GM2A: variants seen among roughly 807,000 people sequenced by gnomAD.
GM2A encodes the protein ganglioside GM2 activator.
In GM2A, 7 loss-of-function variants were observed where a neutral mutation model predicts 12.9. The observed-to-expected ratio is 0.54, with a 90% confidence interval of 0.31 to 1.02. The LOEUF is 1.02. Among genes scored for constraint, GM2A ranks in the 50% least tolerant of loss-of-function variants. GM2A has a pLI of 0.05. For missense variants in GM2A, 246 were observed against 241.0 expected (o/e 1.02, Z -0.14); for synonymous variants, 101 against 96.0 (o/e 1.05, Z -0.30).
chr5:151,259,751 C>T lies in GM2A; in HGVS notation c.82-4C>T. 1 of 1,613,476 alleles carries T rather than the reference C, an allele frequency of 6.2e-7. No individual in the cohort carries two copies. The highest frequency in any genetic ancestry group is 1.3e-5 in the African/African-American group (1 of 75,010). ...CTCCTTCCTTGCTGCCTGATTGTCCCCAGCCATCCCAGCTCAGTAGCTTTT... is the reference window on the plus strand; with the variant it reads ...CTCCTTCCTTGCTGCCTGATTGTCCTCAGCCATCCCAGCTCAGTAGCTTTT... On this transcript the variant is annotated splice_region_variant and splice_polypyrimidine_tract_variant and intron_variant, in intron 1 of 3. Coordinates refer to ENST00000357164, the MANE Select transcript of GM2A (RefSeq NM_000405.5).
chr5:151,260,579 C>G (rs1753779261), intron 2 of GM2A, among the ~76,000 whole-genome samples: 1 of 152,182 alleles, frequency 6.6e-6, no homozygotes, highest in African/African-American at 2.4e-5. Flanking sequence ...GATCGCACCA[C>G]TGCACTCCAG....
rs1305990982 is a variant in GM2A, at chr5:151,266,776, A to G, written c.289A>G (p.Ile97Val). The change falls in exon 3 of 4, where the codon ATC (isoleucine) becomes GTC (valine). Residue 97 changes from isoleucine to valine, a missense_variant. By Grantham distance (29) the Ile-to-Val change is conservative. Coordinates refer to ENST00000357164, the MANE Select transcript of GM2A (RefSeq NM_000405.5). ...GGAGGTGGCTGGCCTCTGGATCAAG[A>G]TCCCATGCACAGACTACATTGGCAG... is the stretch of plus-strand genomic sequence containing the variant. ...EKEVAGLWIK[I>V]PCTDYIGSCT... 1 of 1,613,952 alleles carries G rather than the reference A, an allele frequency of 6.2e-7. No homozygotes were observed. The highest frequency in any genetic ancestry group is 8.5e-7 in the Non-Finnish European group (1 of 1,179,858).
At position 151,259,912 on chromosome 5, in the gene GM2A, T is replaced by C; in HGVS notation, c.239T>C (p.Leu80Pro). 1 of 1,612,900 alleles carries C rather than the reference T, an allele frequency of 6.2e-7. No homozygotes were observed. Among genetic ancestry groups the C allele is most frequent in the Non-Finnish European group, 8.5e-7 (1 of 1,179,060 alleles). ...GSTSVPLSSP[L>P]KVDLVLEKEV... ...ACCAGTGTCCCCCTGAGTTCTCCTC[T>C]GAAGGTGAGCCTGGGGGTGGGTGGA... is the stretch of plus-strand genomic sequence containing the variant. The change falls in exon 2 of 4, where the codon CTG (leucine) becomes CCG (proline). Residue 80 changes from leucine to proline, a missense_variant. By Grantham distance (98) the Leu-to-Pro change is moderately conservative. Transcript: ENST00000357164.
At chr5:151,266,996 T>G in intron 3 of GM2A, 83 bp downstream of exon 3, 1 of 1,101,402 alleles carries the variant, frequency 9.1e-7, no homozygotes, top group South Asian at 1.2e-5. Flanking sequence ...ATTCTCCTTC[T>G]GCAGATCTGC....
At position 151,269,115 on chromosome 5, in the gene GM2A, C is replaced by T. The variant is rs1203276290; in HGVS notation, c.*1664C>T. ...GGGTCCAAGGAAGAGAGGGTGGCCT[C>T]GACATCAAACTGCCTGGATTTTTCT... On this transcript the variant is annotated 3_prime_UTR_variant, in exon 4 of 4. Transcript: ENST00000357164. 24 of 985,322 alleles carry T rather than the reference C, an allele frequency of 2.4e-5. No individual in the cohort carries two copies. Among genetic ancestry groups the T allele is most frequent in the East Asian group, 1.1e-4 (1 of 8,836 alleles). 61.0% of individuals were successfully genotyped at this position (985,322 alleles called of 1,614,324 possible). A position where few individuals can be genotyped will look rare whatever the true frequency, so the allele number is the denominator to read the frequency against.
intron 2 of GM2A, among the ~76,000 whole-genome samples, chr5:151,261,043 G>T (rs1650779394): frequency 6.6e-6 from 1 of 151,764 alleles, no homozygotes; most frequent in African/African-American, 2.4e-5. Flanking sequence ...TGTAATTTTA[G>T]AGACAGTGTG....
At chr5:151,256,451 A>T (rs1316289299) in intron 1 of GM2A, among the ~76,000 whole-genome samples, 2 of 151,982 alleles carry the variant, frequency 1.3e-5, no homozygotes, top group East Asian at 3.9e-4. Context: ...CTAAAAATAC[A>T]AAAATTAGCC....
chr5:151,268,151 C>A lies in GM2A; in HGVS notation c.*700C>A. 1.1e-6 allele frequency: 1 copy of A among 945,752 alleles called. No individual in the cohort carries two copies. Among genetic ancestry groups the A allele is most frequent in the Non-Finnish European group, 1.2e-6 (1 of 818,654 alleles). 58.6% of individuals were successfully genotyped at this position (945,752 alleles called of 1,614,324 possible). A position where few individuals can be genotyped will look rare whatever the true frequency, so the allele number is the denominator to read the frequency against. ...AACATGTTGCTTCCAGGCTTGATTTCGATTTTTCGCTTTTTTTTTTTTTGA... is the reference window on the plus strand; with the variant it reads ...AACATGTTGCTTCCAGGCTTGATTTAGATTTTTCGCTTTTTTTTTTTTTGA... On this transcript the variant is annotated 3_prime_UTR_variant, in exon 4 of 4. Coordinates refer to ENST00000357164, the MANE Select transcript of GM2A (RefSeq NM_000405.5).
At chr5:151,253,388 C>CT in intron 1 of GM2A, 91 bp downstream of exon 1, 1 of 865,752 alleles carries the variant, frequency 1.2e-6, no homozygotes, top group Non-Finnish European at 1.9e-6. Flanking sequence ...GTGGCCACTC[C>CT]GTTCTCTAGA....
chr5:151,258,103 C>G (rs1448150913), intron 1 of GM2A, among the ~76,000 whole-genome samples: 3 of 152,252 alleles, frequency 2.0e-5, no homozygotes, highest in African/African-American at 4.8e-5. Context: ...TGGCAACTAT[C>G]CTGTCCTGCC....
At chr5:151,262,971 C>T (rs1582072302) in intron 2 of GM2A, among the ~76,000 whole-genome samples, 1 of 152,258 alleles carries the variant, frequency 6.6e-6, no homozygotes, top group Admixed American at 6.5e-5. Flanking sequence ...TCTCCTTTTC[C>T]ATTGCTTTAT....
At chr5:151,260,882 C>T (rs1302731994) in intron 2 of GM2A, among the ~76,000 whole-genome samples, 1 of 152,174 alleles carries the variant, frequency 6.6e-6, no homozygotes, top group Non-Finnish European at 1.5e-5. Context: ...TAAATATATA[C>T]ACACTTATAC....
Position 151,268,422 on chromosome 5 carries a change from G to T in GM2A, c.*971G>T, listed in dbSNP as rs1753939329. The T allele has an allele frequency of 1.0e-6, 1 of 972,600 alleles. No homozygotes were observed. The highest frequency in any genetic ancestry group is 1.2e-6 in the Non-Finnish European group (1 of 818,338). 60.2% of individuals were successfully genotyped at this position (972,600 alleles called of 1,614,324 possible). ...TCCACCTTGGCCTTGCAAAGCGCTG[G>T]ATTACAGGCATGAGCCACTACACCC... On this transcript the variant is annotated 3_prime_UTR_variant, in exon 4 of 4. Coordinates refer to ENST00000357164, the MANE Select transcript of GM2A (RefSeq NM_000405.5).
chr5:151,265,090 C>A (rs1753861249), intron 2 of GM2A, among the ~76,000 whole-genome samples: 1 of 152,092 alleles, frequency 6.6e-6, no homozygotes, highest in South Asian at 2.1e-4. Context: ...AACCTAGGCC[C>A]TCTGACTTTT....
At position 151,269,814 on chromosome 5, in the gene GM2A, C is replaced by T. The variant is rs566427956; in HGVS notation, c.*2363C>T. The T allele has an allele frequency of 4.5e-5, 10 of 222,606 alleles. No individual in the cohort carries two copies. The highest frequency in any genetic ancestry group is 6.3e-5 in the Admixed American group (1 of 15,870). 13.8% of individuals were successfully genotyped at this position (222,606 alleles called of 1,614,324 possible). On this transcript the variant is annotated 3_prime_UTR_variant, in exon 4 of 4. Transcript: ENST00000357164. ...ACCGTGGTACATTCAGTCCTCTCAC[C>T]GAGGTGCCCCATGGCAGTCTTCTGC...
At chr5:151,256,275 TA>T (rs199993780) in intron 1 of GM2A, among the ~76,000 whole-genome samples, 1,600 of 151,440 alleles carry the variant, frequency 0.011, 27 homozygotes, top group African/African-American at 0.036. Flanking sequence ...GCTTTTTTCC[TA>T]AAAAAAAATT....
intron 2 of GM2A, among the ~76,000 whole-genome samples, chr5:151,260,548 G>T (rs980455269): frequency 6.6e-6 from 1 of 152,156 alleles, no homozygotes; most frequent in African/African-American, 2.4e-5. Context: ...AACCCAAGAG[G>T]CAGAGGTTGC....
At chr5:151,261,001 T>TA (rs1753789540) in intron 2 of GM2A, among the ~76,000 whole-genome samples, 1 of 149,228 alleles carries the variant, frequency 6.7e-6, no homozygotes, top group Non-Finnish European at 1.5e-5. Context: ...AATTTTTTTT[T>TA]ATCCAATCAT....
rs1420629915 is a variant in GM2A, at chr5:151,259,928, G to A, written c.243+12G>A. On this transcript the variant is annotated intron_variant, in intron 2 of 3. Coordinates refer to ENST00000357164, the MANE Select transcript of GM2A (RefSeq NM_000405.5). ...GTTCTCCTCTGAAGGTGAGCCTGGG[G>A]GTGGGTGGAGAAGGGGAGGTGCGAG... 1.2e-6 allele frequency: 2 copies of A among 1,610,426 alleles called. No homozygotes were observed. Among genetic ancestry groups the A allele is most frequent in the South Asian group, 1.1e-5 (1 of 90,966 alleles).
Sources: gnomAD v4.1 joint callset for allele counts (sites outside exome capture counted in the v4.1 genomes callset) on GRCh38, gnomAD v4.1.1 for gene constraint, MANE v1.5 for transcripts, NCBI Gene and HGNC (gene_info 2026-07-23, HGNC 2026-07-21) for gene names.